ANKS1B: variants seen among roughly 807,000 people sequenced by gnomAD.
ANKS1B encodes ankyrin repeat and sterile alpha motif domain-containing protein 1B.
ANKS1B carries 36 observed loss-of-function variants against 148.3 expected under a neutral mutation model. The ratio of observed to expected loss-of-function variants is 0.24; its 90% CI spans 0.19 to 0.32. ANKS1B has a LOEUF of 0.32. ANKS1B is among the 10% of genes least tolerant of loss of function. The probability of loss-of-function intolerance (pLI) is 1.00; values close to 1 mark genes in which losing one functional copy is unlikely to be tolerated. For synonymous variants in ANKS1B, 542 were observed against 560.8 expected (o/e 0.97, Z 0.47); for missense variants, 1,157 against 1,542.6 (o/e 0.75, Z 4.19).
intron 12 of ANKS1B, among the ~76,000 whole-genome samples, chr12:99,320,153 T>A (rs1451108360): frequency 6.6e-6 from 1 of 152,194 alleles, no homozygotes; most frequent in African/African-American, 2.4e-5. Flanking sequence ...TTTTGGTGAA[T>A]CTGACAATTA....
intron 17 of ANKS1B, among the ~76,000 whole-genome samples, chr12:99,026,621 T>TA (rs56397569): frequency 1.3e-5 from 2 of 151,090 alleles, no homozygotes; most frequent in African/African-American, 4.9e-5. Context: ...CATTAAAAAT[T>TA]AAAAAAAAAA....
intron 12 of ANKS1B, among the ~76,000 whole-genome samples, chr12:99,257,550 AATG>A (rs2075411237): frequency 2.0e-5 from 3 of 152,212 alleles, no homozygotes; most frequent in South Asian, 4.1e-4. Flanking sequence ...TACTCATTTT[AATG>A]ATAAGGCATA....
intron 8 of ANKS1B, among the ~76,000 whole-genome samples, chr12:99,681,491 T>G (rs1599570772): frequency 6.6e-6 from 1 of 152,260 alleles, no homozygotes; most frequent in East Asian, 1.9e-4. Context: ...CTGAGAGAAC[T>G]GAAAATGGAT....
At chr12:99,373,047 T>G (rs1473695602) in intron 12 of ANKS1B, among the ~76,000 whole-genome samples, 1 of 152,174 alleles carries the variant, frequency 6.6e-6, no homozygotes, top group Non-Finnish European at 1.5e-5. Context: ...CCATGAAATA[T>G]GATGTGAAAA....
chr12:98,890,308 G>A (rs1248654114), intron 17 of ANKS1B, among the ~76,000 whole-genome samples: 1 of 152,166 alleles, frequency 6.6e-6, no homozygotes, highest in Non-Finnish European at 1.5e-5. Context: ...AACCCCATAA[G>A]AGATATTGAA....
chr12:99,791,005 C>T (rs1021355809), intron 4 of ANKS1B, among the ~76,000 whole-genome samples: 3 of 151,850 alleles, frequency 2.0e-5, no homozygotes, highest in African/African-American at 7.3e-5. Context: ...AAAAACAAAA[C>T]CCAATGATCT....
At chr12:99,571,410 T>A (rs543286655) in intron 9 of ANKS1B, among the ~76,000 whole-genome samples, 110 of 151,984 alleles carry the variant, frequency 7.2e-4, no homozygotes, top group African/African-American at 2.5e-3. Flanking sequence ...GAATTAAGAA[T>A]TAGGTCAAAA....
intron 1 of ANKS1B, among the ~76,000 whole-genome samples, chr12:99,873,051 C>A (rs1414699253): frequency 6.6e-6 from 1 of 152,130 alleles, no homozygotes; most frequent in Non-Finnish European, 1.5e-5. Context: ...ATTTCCATAT[C>A]TGGAGAATGG....
chr12:99,469,631 A>G (rs865984499), intron 10 of ANKS1B, among the ~76,000 whole-genome samples: 32 of 152,258 alleles, frequency 2.1e-4, no homozygotes, highest in Non-Finnish European at 2.4e-4. Context: ...TATTTCATGT[A>G]TTTTTAAACA....
chr12:99,496,973 AT>A lies in ANKS1B; in HGVS notation c.1438+7502del, dbSNP rs2096610600. On this transcript the variant is annotated intron_variant, in intron 10 of 26. Transcript: ENST00000683438. ...ATTGCCTCTCCCTATTATGTATTGA[AT>A]TTGTGTGCTCAGTTTTAATCCCTAT... Among the ~76,000 whole-genome samples the A allele has an allele frequency of 2.0e-5, 3 of 152,088 alleles. No homozygotes were observed. In the South Asian group the frequency reaches 6.2e-4, roughly 32 times the overall value.
At chr12:99,182,545 T>A (rs2079246431) in intron 14 of ANKS1B, among the ~76,000 whole-genome samples, 1 of 152,216 alleles carries the variant, frequency 6.6e-6, no homozygotes, top group African/African-American at 2.4e-5. Context: ...TGTATTACAT[T>A]TTCTTTATCA....
At chr12:99,382,832 A>T (rs1245282429) in intron 12 of ANKS1B, among the ~76,000 whole-genome samples, 1 of 151,616 alleles carries the variant, frequency 6.6e-6, no homozygotes, top group African/African-American at 2.4e-5. Flanking sequence ...GTTCCAACTG[A>T]TTTTGATACC....
chr12:98,976,595 G>A (rs962474222), intron 17 of ANKS1B: 1 of 152,188 alleles, frequency 6.6e-6, no homozygotes, highest in African/African-American at 2.4e-5. Flanking sequence ...AACTGCAGGT[G>A]CTGGGAGAGG....
At chr12:99,530,773 C>T (rs2063508) in intron 9 of ANKS1B, among the ~76,000 whole-genome samples, 69,066 of 151,956 alleles carry the variant, frequency 0.45, 15,863 homozygotes, top group East Asian at 0.55. Flanking sequence ...CTTCATACCA[C>T]TTCTAAAAGG....
intron 12 of ANKS1B, among the ~76,000 whole-genome samples, chr12:99,336,776 C>T (rs1176903367): frequency 1.3e-5 from 2 of 148,704 alleles, no homozygotes; most frequent in Admixed American, 6.6e-5. Context: ...CTTGGATATA[C>T]TATTCAAGGG....
chr12:98,778,296 C>T (rs1475033371), intron 24 of ANKS1B, among the ~76,000 whole-genome samples: 2 of 151,936 alleles, frequency 1.3e-5, no homozygotes, highest in Non-Finnish European at 1.5e-5. Flanking sequence ...GCCAACATGG[C>T]GAAATCCCAT....
In ANKS1B at chr12:99,865,379, T is replaced by C. The variant is rs11110072; in HGVS notation, c.135-39990A>G. 2.4e-3 allele frequency among the ~76,000 whole-genome samples: 372 copies of C among 152,260 alleles called. 7 individuals are homozygous for C. The East Asian group carries it at 0.055, about 23-fold the overall frequency. On this transcript the variant is annotated intron_variant, in intron 1 of 26. Coordinates refer to ENST00000683438, the MANE Select transcript of ANKS1B (RefSeq NM_001352186.2). The stretch of plus-strand genomic sequence containing the variant: ...CTCGTAACTGCCCGTAATCCAAGTA[T>C]GTATATGTGAAATAACCTCAGGGGT...
rs77163876 is a variant in ANKS1B, at chr12:99,258,528, A to C, written c.1757-11664T>G. ...AGATAGCAAGGAGCTAAACTTTAAT[A>C]ATATATACTGTCAACTTGTCTCAAC... On this transcript the variant is annotated intron_variant, in intron 12 of 26. Transcript: ENST00000683438. 6.6e-4 allele frequency among the ~76,000 whole-genome samples: 100 copies of C among 152,042 alleles called. 1 individual carries two copies. In the East Asian group the frequency reaches 0.014, roughly 21 times the overall value.
chr12:99,162,047 T>A (rs572737626), intron 14 of ANKS1B, among the ~76,000 whole-genome samples: 2 of 151,826 alleles, frequency 1.3e-5, no homozygotes, highest in African/African-American at 4.8e-5. Flanking sequence ...GAAAACATCA[T>A]GCCAAGTGAA....
Sources: gnomAD v4.1 joint callset for allele counts (sites outside exome capture counted in the v4.1 genomes callset) on GRCh38, gnomAD v4.1.1 for gene constraint, MANE v1.5 for transcripts, NCBI Gene and HGNC (gene_info 2026-07-23, HGNC 2026-07-21) for gene names.